Variants in TMC7 observed in about 807,000 individuals in gnomAD.
TMC7 encodes transmembrane channel like 7, also known as transmembrane channel-like protein 7.
Under a neutral mutation model 82.9 loss-of-function variants are expected in TMC7, and 54 were observed. That is an observed-to-expected ratio of 0.65 (90% CI 0.52 to 0.82). The LOEUF is 0.82. Among genes scored for constraint, TMC7 ranks in the 40% least tolerant of loss-of-function variants. TMC7 has a pLI of 0.00. For synonymous variants in TMC7, 350 were observed against 337.9 expected (o/e 1.04, Z -0.39); for missense variants, 820 against 901.2 (o/e 0.91, Z 1.15).
At position 19,021,764 on chromosome 16, in the gene TMC7, G is replaced by T; in HGVS notation, c.596G>T (p.Ser199Ile). The change falls in exon 4 of 16, where the codon AGC becomes ATC. Residue 199 changes from serine (S) to isoleucine (I), a missense_variant. Coordinates refer to ENST00000304381, the MANE Select transcript of TMC7 (RefSeq NM_024847.4). ...CTCACGAAATACAAGATCACCAACA[G>T]CAGCTTCGTGCTCATTCCTTTCAAA... The part of the protein sequence containing the change: ...VLLTKYKITN[S>I]SFVLIPFKDM... 6.2e-7 allele frequency: 1 copy of T among 1,614,142 alleles called. No individual in the cohort carries two copies. Among genetic ancestry groups the T allele is most frequent in the South Asian group, 1.1e-5 (1 of 91,068 alleles).
At chr16:19,002,024 G>A (rs1364573390) in intron 1 of TMC7, among the ~76,000 whole-genome samples, 1 of 152,096 alleles carries the variant, frequency 6.6e-6, no homozygotes, top group African/African-American at 2.4e-5. Context: ...CAAGTTTCTT[G>A]GCTAGAACGC....
intron 5 of TMC7, among the ~76,000 whole-genome samples, chr16:19,030,017 A>C (rs1371982827): frequency 6.6e-6 from 1 of 152,092 alleles, no homozygotes; most frequent in Non-Finnish European, 1.5e-5. Context: ...TGCCCGGCCC[A>C]CCTGTGCATT....
chr16:18,997,933 C>T (rs1370710849), intron 1 of TMC7, among the ~76,000 whole-genome samples: 1 of 151,902 alleles, frequency 6.6e-6, no homozygotes, highest in Admixed American at 6.6e-5. Context: ...GGGGTTTCAC[C>T]ATGTTAGCCA....
intron 9 of TMC7, 119 bp downstream of exon 9, chr16:19,040,565 T>G: frequency 1.2e-6 from 1 of 862,756 alleles, no homozygotes; most frequent in Non-Finnish European, 1.8e-6. Flanking sequence ...CCAAGAGTCC[T>G]CCTCAACCTT....
At chr16:19,045,025 C>T (rs770958979) in intron 10 of TMC7, 24 bp downstream of exon 10, 8 of 1,549,958 alleles carry the variant, frequency 5.2e-6, no homozygotes, top group East Asian at 2.2e-5. Context: ...CGGGGGCGTT[C>T]GGCTGGGTGG....
intron 1 of TMC7, among the ~76,000 whole-genome samples, chr16:18,996,708 A>AG (rs2039048900): frequency 6.6e-6 from 1 of 152,188 alleles, no homozygotes; most frequent in Admixed American, 6.5e-5. Flanking sequence ...GACACAGAGA[A>AG]GGGGGTGGAG....
At chr16:19,049,763 C>T (rs1376732207) in intron 12 of TMC7, 17 of 530,054 alleles carry the variant, frequency 3.2e-5, no homozygotes, top group East Asian at 1.5e-4. Flanking sequence ...CAAGTATCTT[C>T]GGTACTCAGT....
chr16:19,022,449 T>C (rs999000466), intron 4 of TMC7, among the ~76,000 whole-genome samples: 2 of 152,254 alleles, frequency 1.3e-5, no homozygotes, highest in Non-Finnish European at 2.9e-5. Context: ...GGATTTTTGC[T>C]GTACTTTTTC....
intron 14 of TMC7, among the ~76,000 whole-genome samples, chr16:19,058,255 A>G (rs777275383): frequency 2.0e-5 from 3 of 152,032 alleles, no homozygotes; most frequent in Non-Finnish European, 4.4e-5. Flanking sequence ...TTAGTCAGGC[A>G]TGTAATCCTA....
intron 12 of TMC7, among the ~76,000 whole-genome samples, chr16:19,050,383 A>C (rs1961479463): frequency 1.3e-5 from 2 of 151,492 alleles, no homozygotes; most frequent in Admixed American, 6.6e-5. Flanking sequence ...AAAAAAAAAA[A>C]AAAAAAAAAC....
At chr16:19,019,622 C>T (rs1398886743) in intron 3 of TMC7, among the ~76,000 whole-genome samples, 1 of 152,132 alleles carries the variant, frequency 6.6e-6, no homozygotes, top group Non-Finnish European at 1.5e-5. Flanking sequence ...CAGGGTGAGG[C>T]AGAAGCAGGG....
intron 1 of TMC7, among the ~76,000 whole-genome samples, chr16:18,998,313 C>T (rs2039079466): frequency 6.6e-6 from 1 of 152,288 alleles, no homozygotes; most frequent in South Asian, 2.1e-4. Flanking sequence ...CCAGGTTATG[C>T]AGGCAGCAAG....
At chr16:19,008,492 C>T (rs1429335207) in intron 1 of TMC7, among the ~76,000 whole-genome samples, 1 of 152,132 alleles carries the variant, frequency 6.6e-6, no homozygotes, top group Non-Finnish European at 1.5e-5. Flanking sequence ...GCAGTCATCC[C>T]ACATAGTCTC....
At chr16:18,987,548 C>T (rs1419352145) in intron 1 of TMC7, among the ~76,000 whole-genome samples, 8 of 152,006 alleles carry the variant, frequency 5.3e-5, no homozygotes, top group Non-Finnish European at 1.2e-4. Context: ...TCAAGTGATC[C>T]GCCCACCTCG....
intron 3 of TMC7, 30 bp downstream of exon 3, chr16:19,016,628 C>G: frequency 1.2e-6 from 2 of 1,606,852 alleles, no homozygotes; most frequent in African/African-American, 1.3e-5. Flanking sequence ...CTGCAGGCTC[C>G]TCCGCAGAAG....
chr16:19,050,861 T>C (rs1567528934), intron 12 of TMC7, among the ~76,000 whole-genome samples: 1 of 152,180 alleles, frequency 6.6e-6, no homozygotes, highest in East Asian at 1.9e-4. Context: ...AACCTTTAAC[T>C]ATAACCTAAT....
At chr16:19,033,073 G>A (rs747116469) in intron 6 of TMC7, among the ~76,000 whole-genome samples, 1 of 152,168 alleles carries the variant, frequency 6.6e-6, no homozygotes, top group Non-Finnish European at 1.5e-5. Context: ...CCAGAAAGTG[G>A]ATGTGCCACA....
At chr16:19,010,150 T>TCCCCTCCCCC (rs2039316206) in intron 2 of TMC7, among the ~76,000 whole-genome samples, 2 of 36,462 alleles carry the variant, frequency 5.5e-5, no homozygotes, top group Non-Finnish European at 5.3e-5. Flanking sequence ...TCCCCTCCCC[T>TCCCCTCCCCC]CCCCTCCTCT....
At chr16:19,009,476 G>T in intron 2 of TMC7, 61 bp downstream of exon 2, 1 of 1,535,508 alleles carries the variant, frequency 6.5e-7, no homozygotes, top group South Asian at 1.3e-5. Flanking sequence ...GGTATGTTTT[G>T]TGCGTGAAAT....
Sources: gnomAD v4.1 joint callset for allele counts (sites outside exome capture counted in the v4.1 genomes callset) on GRCh38, gnomAD v4.1.1 for gene constraint, MANE v1.5 for transcripts, NCBI Gene and HGNC (gene_info 2026-07-23, HGNC 2026-07-21) for gene names.